UTRN: variants seen among roughly 807,000 people sequenced by gnomAD.
UTRN encodes the protein dystrophin-related protein 1.
A neutral mutation model predicts 463.9 loss-of-function variants in UTRN; 283 were observed. The ratio of observed to expected loss-of-function variants is 0.61; its 90% CI spans 0.55 to 0.67. The LOEUF (loss-of-function observed/expected upper bound fraction) is 0.67, where lower values mean the gene tolerates loss of function less well. Ranked by LOEUF, UTRN falls within the 30% of genes least tolerant of loss-of-function variation. UTRN has a pLI of 0.00. For synonymous variants in UTRN, 1,442 were observed against 1,431.5 expected (o/e 1.01, Z -0.17); for missense variants, 3,922 against 4,084.3 (o/e 0.96, Z 1.08).
intron 2 of UTRN, among the ~76,000 whole-genome samples, chr6:144,328,717 G>A (rs949513544): frequency 2.0e-5 from 3 of 152,100 alleles, no homozygotes; most frequent in East Asian, 3.9e-4. Context: ...AATAGATCAG[G>A]GTTTTTATTC....
intron 19 of UTRN, 43 bp downstream of exon 19, chr6:144,453,912 G>T: frequency 3.2e-6 from 5 of 1,550,218 alleles, no homozygotes; most frequent in Non-Finnish European, 4.4e-6. Context: ...TCAGATGGTG[G>T]CATCGAATAA....
intron 52 of UTRN, among the ~76,000 whole-genome samples, chr6:144,682,006 A>G (rs1029831650): frequency 2.6e-5 from 4 of 152,100 alleles, no homozygotes; most frequent in African/African-American, 9.7e-5. Context: ...ATACTTTTTT[A>G]GTTATTTTAA....
At chr6:144,492,928 G>A (rs1360769586) in intron 32 of UTRN, among the ~76,000 whole-genome samples, 1 of 152,166 alleles carries the variant, frequency 6.6e-6, no homozygotes, top group Admixed American at 6.5e-5. Flanking sequence ...GCTTGTTTTA[G>A]TCATAACATG....
chr6:144,442,192 A>T (rs138741850), intron 13 of UTRN, among the ~76,000 whole-genome samples: 1 of 152,094 alleles, frequency 6.6e-6, no homozygotes, highest in Non-Finnish European at 1.5e-5. Flanking sequence ...TTTCTATTGC[A>T]TTGTCAGGCT....
In UTRN at chr6:144,748,320, TG is replaced by T. The variant is rs753263925; in HGVS notation, c.8017del (p.Glu2673LysfsTer3). 6.2e-7 allele frequency: 1 copy of T among 1,612,980 alleles called. No homozygotes were observed. Among genetic ancestry groups the T allele is most frequent in the Non-Finnish European group, 8.5e-7 (1 of 1,179,768 alleles). On this transcript the variant is annotated frameshift_variant, in exon 55 of 75. Transcript: ENST00000367545. LOFTEE classifies it high-confidence loss of function. ...ACAGTCTTCTGAAGTCAAAGAAAAA[TG>T]GGAAAGTCTAAATGCTGTAACTAGC... is the stretch of plus-strand genomic sequence containing the variant. ...RKQSSEVKEK[W>X]ESLNAVTSNW...
At chr6:144,426,186 G>A (rs1785276833) in intron 6 of UTRN, 101 bp from the exon 7 acceptor site, 3 of 1,403,750 alleles carry the variant, frequency 2.1e-6, no homozygotes, top group Non-Finnish European at 2.9e-6. Context: ...ATCCATAATG[G>A]TTAATTAGTG....
In UTRN at chr6:144,797,889, C is replaced by T; in HGVS notation, c.9144C>T (p.Ser3048=). Residue 3048 remains serine (S), a synonymous_variant, in exon 64 of 75, where the codon TCC becomes TCT. Coordinates refer to ENST00000367545, the MANE Select transcript of UTRN (RefSeq NM_007124.3). ...FIDWMHLEPQ[S]MVWLPVLHRV... Reference sequence around the variant, plus strand: ...ATTGGATGCATTTGGAACCACAGTCCATGGTTTGGCTCCCAGTTTTACATC... The same window carrying T: ...ATTGGATGCATTTGGAACCACAGTCTATGGTTTGGCTCCCAGTTTTACATC... 6.2e-7 allele frequency: 1 copy of T among 1,614,108 alleles called. No individual in the cohort carries two copies. The highest frequency in any genetic ancestry group is 8.5e-7 in the Non-Finnish European group (1 of 1,179,996).
chr6:144,577,441 A>G (rs1247600333), intron 51 of UTRN, among the ~76,000 whole-genome samples, 153 bp downstream of exon 51: 1 of 152,172 alleles, frequency 6.6e-6, no homozygotes, highest in Non-Finnish European at 1.5e-5. Context: ...TTCTTGAAAT[A>G]AGCTCTATTA....
intron 51 of UTRN, among the ~76,000 whole-genome samples, chr6:144,630,466 T>C (rs1776391052): frequency 6.6e-6 from 1 of 152,204 alleles, no homozygotes; most frequent in Non-Finnish European, 1.5e-5. Context: ...ACGTCTTGCA[T>C]GGCGGTGGGC....
chr6:144,573,567 G>T (rs1047961952), intron 50 of UTRN, among the ~76,000 whole-genome samples: 4 of 151,796 alleles, frequency 2.6e-5, no homozygotes, highest in Non-Finnish European at 4.4e-5. Flanking sequence ...GTAGTGGCAG[G>T]CGCCAATAAT....
At chr6:144,495,642 C>T (rs1031204000) in intron 33 of UTRN, among the ~76,000 whole-genome samples, 6 of 152,204 alleles carry the variant, frequency 3.9e-5, no homozygotes, top group Non-Finnish European at 5.9e-5. Flanking sequence ...AGTGGGAGCC[C>T]AGGCAGAGGA....
At chr6:144,521,934 G>A (rs1796130323) in intron 39 of UTRN, 46 bp from the exon 40 acceptor site, 1 of 1,086,768 alleles carries the variant, frequency 9.2e-7, no homozygotes, top group Non-Finnish European at 1.2e-6. Flanking sequence ...GGTATTTTAA[G>A]AGATATATAT....
At chr6:144,655,131 A>G (rs867878906) in intron 51 of UTRN, among the ~76,000 whole-genome samples, 4 of 152,274 alleles carry the variant, frequency 2.6e-5, no homozygotes, top group African/African-American at 9.6e-5. Flanking sequence ...CGTACAAAGC[A>G]TAGTGCCTGA....
intron 2 of UTRN, among the ~76,000 whole-genome samples, chr6:144,336,835 T>C (rs986667619): frequency 6.6e-6 from 1 of 152,158 alleles, no homozygotes; most frequent in Non-Finnish European, 1.5e-5. Context: ...GAAGAACTCT[T>C]GGCCTTCATT....
chr6:144,338,009 A>T (rs943409848), intron 2 of UTRN, among the ~76,000 whole-genome samples: 7 of 152,198 alleles, frequency 4.6e-5, no homozygotes, highest in African/African-American at 1.7e-4. Context: ...TCCCATTAGT[A>T]TACTCATATG....
chr6:144,681,339 C>CT (rs1160859682), intron 52 of UTRN, among the ~76,000 whole-genome samples: 1 of 152,014 alleles, frequency 6.6e-6, no homozygotes. Flanking sequence ...CCAAGAAACT[C>CT]TAATACATAA....
intron 65 of UTRN, among the ~76,000 whole-genome samples, chr6:144,807,638 C>G (rs1778259284): frequency 6.6e-6 from 1 of 152,118 alleles, no homozygotes. Flanking sequence ...AGCTCAACTC[C>G]CACTTTGTGT....
chr6:144,430,310 A>C (rs1785684829), intron 9 of UTRN, among the ~76,000 whole-genome samples: 2 of 152,176 alleles, frequency 1.3e-5, no homozygotes, highest in African/African-American at 4.8e-5. Flanking sequence ...AGAGAAATAA[A>C]ATCATAATTT....
intron 34 of UTRN, 48 bp downstream of exon 34, chr6:144,499,475 G>A: frequency 6.6e-7 from 1 of 1,514,028 alleles, no homozygotes. Context: ...AGCGTAACAT[G>A]GCATTTGTTC....
Sources: gnomAD v4.1 joint callset for allele counts (sites outside exome capture counted in the v4.1 genomes callset) on GRCh38, gnomAD v4.1.1 for gene constraint, MANE v1.5 for transcripts, NCBI Gene and HGNC (gene_info 2026-07-23, HGNC 2026-07-21) for gene names.